MYL3: variants seen among roughly 807,000 people sequenced by gnomAD.
MYL3 encodes the protein CMLC1.
MYL3 carries 11 observed loss-of-function variants against 21.3 expected under a neutral mutation model. The ratio of observed to expected loss-of-function variants is 0.52; its 90% confidence interval spans 0.32 to 0.85. The LOEUF (loss-of-function observed/expected upper bound fraction) is 0.85, where lower values mean the gene tolerates loss of function less well. Ranked by LOEUF, MYL3 falls within the 40% of genes least tolerant of loss-of-function variation. MYL3 has a pLI of 0.03. For synonymous variants in MYL3, 88 were observed against 91.6 expected, an observed-to-expected ratio of 0.96 and a Z score of 0.22; for missense variants, 206 against 253.3, an observed-to-expected ratio of 0.81 and a Z score of 1.27.
rs2029910119 is a variant in MYL3, at chr3:46,871,625, C to T, written c.-217-5025G>A. Among the ~76,000 whole-genome samples the T allele has an allele frequency of 2.0e-5, 3 of 152,092 alleles. 1 individual carries two copies. On this transcript the variant is annotated intron_variant, in intron 1 of 3. Transcript: ENST00000431168. ...AGCCTTGAGGGCTGTGGGGAGACCACAGCAGGTTCAGAGACTCACGGGTAC... is the reference window on the plus strand; with the variant it reads ...AGCCTTGAGGGCTGTGGGGAGACCATAGCAGGTTCAGAGACTCACGGGTAC...
intron 1 of MYL3, among the ~76,000 whole-genome samples, chr3:46,875,151 T>C (rs1187718893): frequency 2.0e-5 from 3 of 152,156 alleles, no homozygotes; most frequent in African/African-American, 4.8e-5. Flanking sequence ...TGTTGCTGCC[T>C]CCCTTCCATT....
chr3:46,878,183 A>T (rs1559524912), intron 1 of MYL3, among the ~76,000 whole-genome samples: 1 of 152,194 alleles, frequency 6.6e-6, no homozygotes, highest in Non-Finnish European at 1.5e-5. Flanking sequence ...CTGCAAGGGA[A>T]GGGGGCTACC....
At position 46,857,970 on chromosome 3, in the gene MYL3, A is replaced by C; in HGVS notation, c.*145T>G. The C allele has an allele frequency of 1.8e-6, 1 of 548,920 alleles. No individual in the cohort carries two copies. Among genetic ancestry groups the C allele is most frequent in the Non-Finnish European group, 3.3e-6 (1 of 303,756 alleles). The allele number at this position is 548,920 out of a possible 1,614,324, so 34.0% of individuals were successfully genotyped here. A position where few individuals can be genotyped will look rare whatever the true frequency, so the allele number is the denominator to read the frequency against. ...AGCCTGAGAGGGGCCAGAGACGGCA[A>C]CCACGTGGAGAGGTCCAAGGGTTTT... On this transcript the variant is annotated 3_prime_UTR_variant, in exon 7 of 7. Coordinates refer to ENST00000292327, the MANE Select transcript of MYL3 (RefSeq NM_000258.3). The surrounding 1 kb of genome is among the most constrained non-coding windows in gnomAD (Gnocchi z 5.0).
At chr3:46,867,386 G>T (rs1448902462), upstream of MYL3, among the ~76,000 whole-genome samples, 1 of 152,202 alleles carries the variant, frequency 6.6e-6, no homozygotes, top group Admixed American at 6.5e-5. Context: ...AGTGGGAAGG[G>T]GCACCGGGGG....
chr3:46,863,483 T>C (rs923471167), upstream of MYL3: 13 of 1,408,384 alleles, frequency 9.2e-6, no homozygotes, highest in Non-Finnish European at 1.3e-5. Flanking sequence ...CCTGCCCGGA[T>C]ACCTCATGAC....
rs201138698 is a variant in MYL3, at chr3:46,859,536, G to A, written c.420C>T (p.Phe140=). Residue 140 remains phenylalanine (F), a synonymous_variant, in exon 4 of 7, where the codon TTC becomes TTT. Transcript: ENST00000292327. The surrounding 1 kb of genome is among the most constrained non-coding windows in gnomAD (Gnocchi z 4.1). ...TGACAGTGCCATTGCCCTCCTTGTC[G>A]AAGACCCGCAGCCCCTCCACGAAGT... is the stretch of plus-strand genomic sequence containing the variant. ...YEDFVEGLRV[F]DKEGNGTVMG... The A allele has an allele frequency of 4.8e-5, 78 of 1,614,182 alleles. No individual in the cohort carries two copies. Among genetic ancestry groups the A allele is most frequent in the African/African-American group, 6.7e-5 (5 of 75,022 alleles).
In MYL3 at chr3:46,874,238, T is replaced by A. The variant is rs970884684; in HGVS notation, c.-217-7638A>T. Reference sequence around the variant, plus strand: ...GCCAGGCTTGGTGCAGCCTGCAGGATGGCCAGGCAGACACAACCCTGATTC... The same window carrying A: ...GCCAGGCTTGGTGCAGCCTGCAGGAAGGCCAGGCAGACACAACCCTGATTC... On this transcript the variant is annotated intron_variant, in intron 1 of 3. Transcript: ENST00000431168. This position sits in a 1 kb window ranked among gnomAD's most constrained non-coding sequence, Gnocchi z 4.1. Among the ~76,000 whole-genome samples, 1 of 152,166 alleles carries A rather than the reference T, an allele frequency of 6.6e-6. No homozygotes were observed.
chr3:46,859,890 T>C lies in MYL3; in HGVS notation c.308-242A>G, dbSNP rs987227049. ...TTTGCTATTCACAAAGGGAGTTTGC[T>C]GCCCTGAGCCACCACGGAGGGCTCT... On this transcript the variant is annotated intron_variant, in intron 3 of 6. Transcript: ENST00000292327. This position sits in a 1 kb window ranked among gnomAD's most constrained non-coding sequence, Gnocchi z 4.1. Among the ~76,000 whole-genome samples the C allele has an allele frequency of 6.6e-6, 1 of 152,208 alleles. No individual in the cohort carries two copies. Among genetic ancestry groups the C allele is most frequent in the African/African-American group, 2.4e-5 (1 of 41,452 alleles).
Position 46,861,880 on chromosome 3 carries a change from C to T in MYL3, c.130-893G>A, listed in dbSNP as rs374596181. On this transcript the variant is annotated intron_variant, in intron 1 of 6. Coordinates refer to ENST00000292327, the MANE Select transcript of MYL3 (RefSeq NM_000258.3). The surrounding 1 kb of genome is among the most constrained non-coding windows in gnomAD (Gnocchi z 4.2). Reference sequence around the variant, plus strand: ...TGCCACGGAGCCCCACCAATCTCCACAGTGCATGCCGGCACAGAGGGACAC... The same window carrying T: ...TGCCACGGAGCCCCACCAATCTCCATAGTGCATGCCGGCACAGAGGGACAC... 2.6e-5 allele frequency among the ~76,000 whole-genome samples: 4 copies of T among 152,346 alleles called. No homozygotes were observed. The highest frequency in any genetic ancestry group is 6.5e-5 in the Admixed American group (1 of 15,308).
At position 46,863,410 on chromosome 3, in the gene MYL3, G is replaced by C. The variant is rs1424183816; in HGVS notation, c.-20C>G. 2.6e-5 allele frequency: 42 copies of C among 1,612,396 alleles called. No homozygotes were observed. The highest frequency in any genetic ancestry group is 3.3e-5 in the Non-Finnish European group (39 of 1,179,874). Reference sequence around the variant, plus strand: ...GGCCATTGGGGGCTGTAAGTACAGAGAGGGATGTGGAGAGAAGAATGCAGA... The same window carrying C: ...GGCCATTGGGGGCTGTAAGTACAGACAGGGATGTGGAGAGAAGAATGCAGA... On this transcript the variant is annotated 5_prime_UTR_variant, in exon 1 of 7. Transcript: ENST00000292327.
chr3:46,863,641 G>A (rs930509025), upstream of MYL3, among the ~76,000 whole-genome samples: 1 of 152,100 alleles, frequency 6.6e-6, no homozygotes, highest in African/African-American at 2.4e-5. Context: ...CCAATCACCT[G>A]TTGGGAAGGG....
Position 46,863,413 on chromosome 3 carries a change from G to T in MYL3, c.-23C>A. 1 of 1,612,418 alleles carries T rather than the reference G, an allele frequency of 6.2e-7. No homozygotes were observed. ...CATTGGGGGCTGTAAGTACAGAGAGGGATGTGGAGAGAAGAATGCAGAAAG... is the reference window on the plus strand; with the variant it reads ...CATTGGGGGCTGTAAGTACAGAGAGTGATGTGGAGAGAAGAATGCAGAAAG... On this transcript the variant is annotated 5_prime_UTR_variant, in exon 1 of 7. Coordinates refer to ENST00000292327, the MANE Select transcript of MYL3 (RefSeq NM_000258.3).
rs114381524 is a variant in MYL3 at position 46,861,683 on chromosome 3, T to C, written c.130-696A>G. Among the ~76,000 whole-genome samples, 1,815 of 152,202 alleles carry C rather than the reference T, an allele frequency of 0.012. 44 individuals carry two copies. The highest frequency in any genetic ancestry group is 0.041 in the African/African-American group (1,687 of 41,510). On this transcript the variant is annotated intron_variant, in intron 1 of 6. Transcript: ENST00000292327. This position sits in a 1 kb window ranked among gnomAD's most constrained non-coding sequence, Gnocchi z 4.2. ...CTGCTGAGTGTTTGCTGAAGTCACA[T>C]TGGGGCCACCTTGATTGACGTCAAT...
At chr3:46,871,618 G>C (rs2029910015) in intron 1 of MYL3, among the ~76,000 whole-genome samples, 1 of 152,082 alleles carries the variant, frequency 6.6e-6, no homozygotes, top group Non-Finnish European at 1.5e-5. Flanking sequence ...GGGCTGTGGG[G>C]AGACCACAGC....
intron 1 of MYL3, among the ~76,000 whole-genome samples, chr3:46,872,099 T>C (rs1443328557): frequency 6.6e-6 from 1 of 152,180 alleles, no homozygotes; most frequent in Non-Finnish European, 1.5e-5. Flanking sequence ...TGCACGGTCC[T>C]CCCAGTGCAG....
At chr3:46,878,735 T>C (rs965973383) in intron 1 of MYL3, among the ~76,000 whole-genome samples, 4 of 152,058 alleles carry the variant, frequency 2.6e-5, no homozygotes, top group Non-Finnish European at 4.4e-5. Context: ...GCCAGAGCCC[T>C]ACTCACGGTG....
chr3:46,871,536 C>A (rs2029899579), intron 1 of MYL3, among the ~76,000 whole-genome samples: 1 of 151,966 alleles, frequency 6.6e-6, no homozygotes, highest in Non-Finnish European at 1.5e-5. Flanking sequence ...GACCCCAGTG[C>A]AAGCAGAGGG....
At position 46,874,356 on chromosome 3, in the gene MYL3, C is replaced by G. The variant is rs57304759; in HGVS notation, c.-218+7718G>C. 1.3e-5 allele frequency among the ~76,000 whole-genome samples: 2 copies of G among 152,268 alleles called. No homozygotes were observed. The highest frequency in any genetic ancestry group is 3.9e-4 in the East Asian group (2 of 5,172). On this transcript the variant is annotated intron_variant, in intron 1 of 3. Coordinates refer to the MYL3 transcript ENST00000431168. The surrounding 1 kb of genome is among the most constrained non-coding windows in gnomAD (Gnocchi z 4.1). ...TTTAGAGTGAGAGGAAACTGAGGCC[C>G]AGAGATTTGGCAAGGCACGACAAAG...
rs577991920 is a variant in MYL3 at position 46,874,687 on chromosome 3, C to A, written c.-218+7387G>T. Among the ~76,000 whole-genome samples the A allele has an allele frequency of 6.6e-6, 1 of 152,192 alleles. No individual in the cohort carries two copies. The highest frequency in any genetic ancestry group is 1.9e-4 in the East Asian group (1 of 5,198). Reference sequence around the variant, plus strand: ...GCCCATGCAGGGAGAGGCGGAAACACGTGTCAAACACGCCTGGGAGGGGGT... The same window carrying A: ...GCCCATGCAGGGAGAGGCGGAAACAAGTGTCAAACACGCCTGGGAGGGGGT... On this transcript the variant is annotated intron_variant, in intron 1 of 3. Coordinates refer to the MYL3 transcript ENST00000431168. The surrounding 1 kb of genome is among the most constrained non-coding windows in gnomAD (Gnocchi z 4.1).
Sources: gnomAD v4.1 joint callset for allele counts (sites outside exome capture counted in the v4.1 genomes callset) on GRCh38, gnomAD v4.1.1 for gene constraint, Gnocchi (gnomAD v3.1) non-coding constraint, MANE v1.5 for transcripts, NCBI Gene and HGNC (gene_info 2026-07-23, HGNC 2026-07-21) for gene names.